AP3B2: variants seen among roughly 807,000 people sequenced by gnomAD.
AP3B2 encodes AP-3 complex subunit beta-2.
Under a neutral mutation model 126.9 loss-of-function variants are expected in AP3B2, and 50 were observed. The observed-to-expected ratio is 0.39, with a 90% CI of 0.31 to 0.50. The LOEUF is 0.50. Ranked by LOEUF, AP3B2 falls within the 20% of genes least tolerant of loss-of-function variation. AP3B2 has a pLI of 0.79. For synonymous variants in AP3B2, 541 were observed against 565.0 expected (o/e 0.96, Z 0.60); for missense variants, 1,177 against 1,426.4 (o/e 0.83, Z 2.82).
Position 82,659,586 on chromosome 15 carries a change from C to T in AP3B2, c.3280G>A (p.Asp1094Asn). 2.5e-6 allele frequency: 4 copies of T among 1,613,928 alleles called. No homozygotes were observed. The South Asian group carries it at 3.3e-5, about 13-fold the overall frequency. Residue 1094 changes from aspartate to asparagine, a missense_variant, in exon 27 of 27, where the codon GAT becomes AAT. By Grantham distance (23) the Asp-to-Asn change is conservative. Around this residue, in one of 5 missense-constraint regions of AP3B2, gnomAD observed 587 missense variants for 571.3 expected, o/e 1.03. Coordinates refer to ENST00000535359, the MANE Select transcript of AP3B2 (RefSeq NM_001278512.2). Reference sequence around the variant, plus strand: ...CACTGGGTCAGAGCCTGTATCACATCCTTTACCAGCATGGTGCCAATCACC... The same window carrying T: ...CACTGGGTCAGAGCCTGTATCACATTCTTTACCAGCATGGTGCCAATCACC... ...KMVIGTMLVKDVIQALTQ is the reference protein window; with the variant it reads ...KMVIGTMLVKNVIQALTQ
intron 14 of AP3B2, among the ~76,000 whole-genome samples, chr15:82,673,029 C>T (rs117498572): frequency 0.018 from 2,703 of 152,284 alleles, 30 homozygotes; most frequent in Non-Finnish European, 0.026. Flanking sequence ...CCTTGGCTGA[C>T]ACCTCAGTTG....
At chr15:82,667,751 C>T (rs1217156519) in intron 14 of AP3B2, among the ~76,000 whole-genome samples, 1 of 152,178 alleles carries the variant, frequency 6.6e-6, no homozygotes, top group African/African-American at 2.4e-5. Flanking sequence ...TTATTGCCCC[C>T]ATTTTACAGA....
At chr15:82,667,021 G>T in intron 14 of AP3B2, 88 bp from the exon 15 acceptor site, 1 of 1,366,378 alleles carries the variant, frequency 7.3e-7, no homozygotes, top group Non-Finnish European at 1.0e-6. Flanking sequence ...GACACTTTCA[G>T]GCAGAACGTC....
rs1327339477 is a variant in AP3B2 at position 82,659,685 on chromosome 15, C to T, written c.3181G>A (p.Gly1061Arg). ...YRFAGRTLTG[G>R]SLVLLTLDAR... Reference sequence around the variant, plus strand: ...TCCAGGGTCAGCAGAACGAGGCTTCCACCAGTCAGTGTCCTCCCTGCAAAC... The same window carrying T: ...TCCAGGGTCAGCAGAACGAGGCTTCTACCAGTCAGTGTCCTCCCTGCAAAC... The change falls in exon 27 of 27, where the codon GGA becomes AGA. Residue 1061 changes from glycine (G) to arginine (R), a missense_variant. Transcript: ENST00000535359. 4.3e-6 allele frequency: 7 copies of T among 1,613,808 alleles called. No homozygotes were observed. The highest frequency in any genetic ancestry group is 1.6e-4 in the Middle Eastern group (1 of 6,084).
chr15:82,680,410 CGGGCAGCCCGTGGGGCGGGGCA>C lies in AP3B2; in HGVS notation c.1055+40_1055+61del. On this transcript the variant is annotated intron_variant, in intron 8 of 26. Coordinates refer to ENST00000535359, the MANE Select transcript of AP3B2 (RefSeq NM_001278512.2). This position sits in a 1 kb window ranked among gnomAD's most constrained non-coding sequence, Gnocchi z 6.1. ...GCTGGTGGGCGTGAGGGGGCGGAGC[CGGGCAGCCCGTGGGGCGGGGCA>C]GGAGGCGAGGGAGGGGGCGGGGCTG... 8.0e-7 allele frequency: 1 copy of C among 1,257,646 alleles called. No homozygotes were observed. The highest frequency in any genetic ancestry group is 1.0e-6 in the Non-Finnish European group (1 of 987,520). 77.9% of individuals were successfully genotyped at this position (1,257,646 alleles called of 1,614,324 possible). A position where few individuals can be genotyped will look rare whatever the true frequency, so the allele number is the denominator to read the frequency against.
rs946005567 is a variant in AP3B2, at chr15:82,679,821, A to T, written c.1111-21T>A. 8 of 1,611,354 alleles carry T rather than the reference A, an allele frequency of 5.0e-6. No individual in the cohort carries two copies. The Admixed American group carries it at 5.0e-5, about 10-fold the overall frequency. On this transcript the variant is annotated intron_variant, in intron 9 of 26. Coordinates refer to ENST00000535359, the MANE Select transcript of AP3B2 (RefSeq NM_001278512.2). The stretch of plus-strand genomic sequence containing the variant: ...ATACCCTGGCACAAGAGAGGCAGCT[A>T]GGGAGCTCCACCGAAGCCCCAGGCC...
At chr15:82,662,989 C>T (rs993056195) in intron 22 of AP3B2, 67 bp from the exon 23 acceptor site, 11 of 1,548,066 alleles carry the variant, frequency 7.1e-6, no homozygotes, top group Non-Finnish European at 9.6e-6. Flanking sequence ...AGCATTGTCC[C>T]CTAGGGCCAT....
intron 20 of AP3B2, 51 bp from the exon 21 acceptor site, chr15:82,663,671 T>C: frequency 1.2e-6 from 2 of 1,612,538 alleles, no homozygotes; most frequent in Non-Finnish European, 1.7e-6. Context: ...CACCTTGGCA[T>C]GTTCTGGGTT....
chr15:82,669,248 GAAAT>G lies in AP3B2; in HGVS notation c.1666-2319_1666-2316del, dbSNP rs530899027. 2.3e-3 allele frequency among the ~76,000 whole-genome samples: 351 copies of G among 152,310 alleles called. 2 individuals are homozygous for G. Among genetic ancestry groups the G allele is most frequent in the Non-Finnish European group, 4.2e-3 (283 of 68,026 alleles). On this transcript the variant is annotated intron_variant, in intron 14 of 26. Coordinates refer to ENST00000535359, the MANE Select transcript of AP3B2 (RefSeq NM_001278512.2). Reference sequence around the variant, plus strand: ...ATCTAGAGCAATCAGACAGGAGAAAGAAATAAAGGGTATCCAAATTGGAAAAGAA... The same window carrying G: ...ATCTAGAGCAATCAGACAGGAGAAAGAAAGGGTATCCAAATTGGAAAAGAA...
At chr15:82,688,307 A>G in intron 4 of AP3B2, 1 of 640,188 alleles carries the variant, frequency 1.6e-6, no homozygotes, top group Non-Finnish European at 2.8e-6. Flanking sequence ...CTTGGGCAAA[A>G]TGAAACAAAA....
In AP3B2 at chr15:82,659,527, GAT is replaced by G. The variant is rs754289071; in HGVS notation, c.*31_*32del. On this transcript the variant is annotated 3_prime_UTR_variant, in exon 27 of 27. Transcript: ENST00000535359. Reference sequence around the variant, plus strand: ...AGCCTAGGTGTCATGGGGAGGTATAGATGGGAGCCAAACAGGTCACAGCATTT... The same window carrying G: ...AGCCTAGGTGTCATGGGGAGGTATAGGGGAGCCAAACAGGTCACAGCATTT... The G allele has an allele frequency of 1.2e-6, 2 of 1,610,178 alleles. No individual in the cohort carries two copies. Among genetic ancestry groups the G allele is most frequent in the Non-Finnish European group, 1.7e-6 (2 of 1,177,510 alleles).
At chr15:82,682,552 C>A (rs1303639805) in intron 4 of AP3B2, among the ~76,000 whole-genome samples, 1 of 151,914 alleles carries the variant, frequency 6.6e-6, no homozygotes, top group Non-Finnish European at 1.5e-5. Flanking sequence ...TAAAACGAGT[C>A]ACATAAATTT....
Position 82,662,805 on chromosome 15 carries a change from C to A in AP3B2, c.2722G>T (p.Val908Leu). Residue 908 changes from valine to leucine, a missense_variant, in exon 23 of 27, where the codon GTG becomes TTG. Transcript: ENST00000535359. ...TTGGAGAAGTGGATGTGCACGGACA[C>A]CATGTGGGGATCCCCGGAGAAAGGT... is the stretch of plus-strand genomic sequence containing the variant. ...RQPFSGDPHM[V>L]SVHIHFSNSS... 2.5e-6 allele frequency: 4 copies of A among 1,613,818 alleles called. No individual in the cohort carries two copies. The highest frequency in any genetic ancestry group is 3.4e-6 in the Non-Finnish European group (4 of 1,179,822).
chr15:82,682,015 T>C lies in AP3B2; in HGVS notation c.361-435A>G, dbSNP rs1303089617. ...TGCAAAAGCTGCTGTTCTTCCACAG[T>C]GTTTAAAACAAAATAGGGGTGTAGG... On this transcript the variant is annotated intron_variant, in intron 4 of 26. Transcript: ENST00000535359. Among the ~76,000 whole-genome samples the C allele has an allele frequency of 2.0e-5, 3 of 150,424 alleles. No homozygotes were observed. In the East Asian group the frequency reaches 5.8e-4, roughly 29 times the overall value.
chr15:82,705,453 A>C (rs2048782482), intron 1 of AP3B2, among the ~76,000 whole-genome samples: 1 of 151,842 alleles, frequency 6.6e-6, no homozygotes. Context: ...TCTCCTCCTC[A>C]ATACCTCCCT....
intron 1 of AP3B2, among the ~76,000 whole-genome samples, chr15:82,701,711 A>G (rs769318355): frequency 2.6e-4 from 40 of 152,248 alleles, no homozygotes; most frequent in Admixed American, 1.3e-4. Flanking sequence ...TGACAGTTGA[A>G]TCTAGATGGA....
rs750180710 is a variant in AP3B2, at chr15:82,680,815, T to C, written c.771+22A>G. 1 of 1,612,618 alleles carries C rather than the reference T, an allele frequency of 6.2e-7. No homozygotes were observed. Among genetic ancestry groups the C allele is most frequent in the East Asian group, 2.2e-5 (1 of 44,834 alleles). The stretch of plus-strand genomic sequence containing the variant: ...CCCCGGGACACACTTCGGCCCGCTC[T>C]GCCTGGGCTGGGCCCACTTACGTTC... On this transcript the variant is annotated intron_variant, in intron 7 of 26. Transcript: ENST00000535359. This position sits in a 1 kb window ranked among gnomAD's most constrained non-coding sequence, Gnocchi z 6.1.
At chr15:82,694,879 T>C (rs1322798254) in intron 1 of AP3B2, among the ~76,000 whole-genome samples, 1 of 152,154 alleles carries the variant, frequency 6.6e-6, no homozygotes, top group Non-Finnish European at 1.5e-5. Context: ...CTATACCCCA[T>C]TTCTGAGACA....
chr15:82,680,671 C>T lies in AP3B2; in HGVS notation c.856G>A (p.Ala286Thr), dbSNP rs775202668. ...EAKGAGSEET[A>T]AAAAPSRKPY... ...TTTCGGGAGGGGGCGGCCGCGGCGG[C>T]CGTCTCCTCAGACCCCGCGCCCTTG... Residue 286 changes from alanine (A) to threonine (T), a missense_variant, in exon 8 of 27, where the codon GCC (alanine) becomes ACC (threonine). Around this residue, in one of 5 missense-constraint regions of AP3B2, gnomAD observed 103 missense variants for 101.4 expected, o/e 1.02. Transcript: ENST00000535359. This position sits in a 1 kb window ranked among gnomAD's most constrained non-coding sequence, Gnocchi z 6.1. 2.5e-6 allele frequency: 4 copies of T among 1,578,834 alleles called. No homozygotes were observed. The highest frequency in any genetic ancestry group is 3.4e-6 in the Non-Finnish European group (4 of 1,167,492).
Sources: allele counts gnomAD v4.1 joint callset (sites outside exome capture counted in the v4.1 genomes callset), GRCh38; gene constraint gnomAD v4.1.1; regional missense constraint gnomAD v4.1.1; non-coding constraint Gnocchi (gnomAD v3.1); transcripts MANE v1.5; gene names NCBI Gene and HGNC (gene_info 2026-07-23, HGNC 2026-07-21).